Variants in LIMCH1 observed in about 807,000 individuals in gnomAD.
LIMCH1 encodes the protein LIM and calponin homology domains-containing protein 1.
A neutral mutation model predicts 176.5 loss-of-function variants in LIMCH1; 113 were observed. The ratio of observed to expected loss-of-function variants is 0.64; its 90% confidence interval spans 0.55 to 0.75. The LOEUF is 0.75. LIMCH1 is among the 30% of genes least tolerant of loss of function. The pLI, the probability that LIMCH1 is intolerant of heterozygous loss-of-function variation, is 0.00. For synonymous variants in LIMCH1, 619 were observed against 645.9 expected, an observed-to-expected ratio of 0.96 and a Z score of 0.63; for missense variants, 1,674 against 1,814.9, an observed-to-expected ratio of 0.92 and a Z score of 1.41.
At position 41,681,123 on chromosome 4, in the gene LIMCH1, A is replaced by G. The variant is rs969986904; in HGVS notation, c.3717+64A>G. On this transcript the variant is annotated intron_variant, in intron 25 of 31. Transcript: ENST00000503057. ...AACCTAAATGGAAGTACCAAACCCC[A>G]AGACCAAGGTTACCGAACAGACTCA... is the stretch of plus-strand genomic sequence containing the variant. 32 of 962,682 alleles carry G rather than the reference A, an allele frequency of 3.3e-5. No individual in the cohort carries two copies. In the Admixed American group the frequency reaches 5.5e-4, roughly 17 times the overall value. The allele number at this position is 962,682 out of a possible 1,614,324, so 59.6% of individuals were successfully genotyped here.
chr4:41,650,257 T>G, intron 17 of LIMCH1, 136 bp from the exon 18 acceptor site: 1 of 667,706 alleles, frequency 1.5e-6, no homozygotes, highest in Non-Finnish European at 2.6e-6. Context: ...CATCAGAACA[T>G]TTAAGAGACC....
intron 1 of LIMCH1, among the ~76,000 whole-genome samples, chr4:41,412,273 G>GA (rs2059563691): frequency 6.6e-6 from 1 of 152,056 alleles, no homozygotes; most frequent in African/African-American, 2.4e-5. Context: ...AATAGTGTCT[G>GA]AAAAAAGTGT....
chr4:41,397,620 A>T (rs1474510222), intron 1 of LIMCH1, among the ~76,000 whole-genome samples: 1 of 152,142 alleles, frequency 6.6e-6, no homozygotes, highest in Non-Finnish European at 1.5e-5. Flanking sequence ...TGTGTGTTTA[A>T]AGAGCTGAAA....
intron 1 of LIMCH1, among the ~76,000 whole-genome samples, chr4:41,452,375 T>C (rs943469119): frequency 1.3e-5 from 2 of 152,212 alleles, no homozygotes; most frequent in African/African-American, 4.8e-5. Flanking sequence ...TCCCTGCCAA[T>C]GGCCCCTAGA....
At chr4:41,434,473 T>C (rs745956000) in intron 1 of LIMCH1, among the ~76,000 whole-genome samples, 1 of 152,192 alleles carries the variant, frequency 6.6e-6, no homozygotes, top group Non-Finnish European at 1.5e-5. Context: ...ATCACCATAA[T>C]GGAGACACTC....
intron 1 of LIMCH1, among the ~76,000 whole-genome samples, chr4:41,492,661 C>T (rs73142552): frequency 0.054 from 8,236 of 152,096 alleles, 740 homozygotes; most frequent in African/African-American, 0.19. Context: ...TCTTCTATAG[C>T]GTTATTGATT....
At chr4:41,470,265 A>G (rs2066757846) in intron 1 of LIMCH1, among the ~76,000 whole-genome samples, 1 of 152,044 alleles carries the variant, frequency 6.6e-6, no homozygotes, top group South Asian at 2.1e-4. Context: ...TTCTCACCAA[A>G]TTTACTATCT....
intron 2 of LIMCH1, among the ~76,000 whole-genome samples, chr4:41,601,275 C>A (rs1041726585): frequency 3.9e-5 from 6 of 152,160 alleles, no homozygotes; most frequent in African/African-American, 1.2e-4. Flanking sequence ...CAAAGAAGAT[C>A]ATTGCAGGAA....
At chr4:41,673,598 G>A (rs2095122749) in intron 22 of LIMCH1, among the ~76,000 whole-genome samples, 1 of 152,122 alleles carries the variant, frequency 6.6e-6, no homozygotes, top group Non-Finnish European at 1.5e-5. Flanking sequence ...GCTATTTTTG[G>A]TCAGTCTTGG....
intron 6 of LIMCH1, 167 bp downstream of exon 6, chr4:41,619,607 T>C (rs773966390): frequency 1.5e-5 from 13 of 890,354 alleles, no homozygotes; most frequent in African/African-American, 1.4e-4. Context: ...CAGGAGAAAA[T>C]AGAAGCTTCG....
In LIMCH1 at chr4:41,680,939, C is replaced by A; in HGVS notation, c.3613-16C>A. ...TTATTTTCCCCCCTTTCATCGATTC[C>A]TGTCCTTCCCCTTAGGAGCGTAAGA... On this transcript the variant is annotated splice_polypyrimidine_tract_variant and intron_variant, in intron 24 of 31. Coordinates refer to ENST00000503057, the MANE Select transcript of LIMCH1 (RefSeq NM_001330672.2). 7.1e-7 allele frequency: 1 copy of A among 1,413,868 alleles called. No homozygotes were observed. The highest frequency in any genetic ancestry group is 1.2e-5 in the South Asian group (1 of 83,760). 87.6% of individuals were successfully genotyped at this position (1,413,868 alleles called of 1,614,324 possible).
At chr4:41,416,657 CAAAAACA>C (rs1436108917) in intron 1 of LIMCH1, among the ~76,000 whole-genome samples, 3 of 43,676 alleles carry the variant, frequency 6.9e-5, no homozygotes, top group Admixed American at 3.3e-4. Flanking sequence ...GATTCCATCT[CAAAAACA>C]AAAAAAAAAA....
At chr4:41,432,754 A>G (rs533045548) in intron 1 of LIMCH1, among the ~76,000 whole-genome samples, 125 of 152,304 alleles carry the variant, frequency 8.2e-4, no homozygotes, top group Admixed American at 3.5e-3. Flanking sequence ...TTCAATGGCA[A>G]CGATCCTTCC....
rs1361658459 is a variant in LIMCH1, at chr4:41,629,597, C to G, written c.1134C>G (p.His378Gln). 3.9e-6 allele frequency: 6 copies of G among 1,535,998 alleles called. No homozygotes were observed. Among genetic ancestry groups the G allele is most frequent in the Non-Finnish European group, 5.2e-6 (6 of 1,146,910 alleles). The stretch of plus-strand genomic sequence containing the variant: ...GACTCAGGAAGGTGCCAGATCTTCA[C>G]AAGGATGACCTGGCCCAGCAGAGAA... The part of the protein sequence containing the change: ...EGGLRKVPDL[H>Q]KDDLAQQRIQ... The change falls in exon 9 of 32, where the codon CAC (histidine) becomes CAG (glutamine). Residue 378 changes from histidine to glutamine, a missense_variant. Coordinates refer to ENST00000503057, the MANE Select transcript of LIMCH1 (RefSeq NM_001330672.2).
intron 2 of LIMCH1, among the ~76,000 whole-genome samples, chr4:41,513,193 A>G (rs2075143625): frequency 6.6e-6 from 1 of 152,248 alleles, no homozygotes; most frequent in Admixed American, 6.5e-5. Flanking sequence ...ACATCAGACA[A>G]AGAAAGGCCA....
At chr4:41,444,269 G>A (rs964473556) in intron 1 of LIMCH1, among the ~76,000 whole-genome samples, 1 of 150,526 alleles carries the variant, frequency 6.6e-6, no homozygotes, top group South Asian at 2.1e-4. Context: ...ACATATGACT[G>A]AAATATATGT....
intron 3 of LIMCH1, among the ~76,000 whole-genome samples, chr4:41,532,273 G>A (rs926629048): frequency 6.6e-6 from 1 of 152,180 alleles, no homozygotes; most frequent in Non-Finnish European, 1.5e-5. Context: ...CTCCCAGGTT[G>A]ATATGGCTTG....
chr4:41,381,406 A>G (rs949157373), intron 1 of LIMCH1, among the ~76,000 whole-genome samples: 15 of 152,302 alleles, frequency 9.8e-5, no homozygotes, highest in African/African-American at 3.6e-4. Flanking sequence ...AACAAGAGGG[A>G]GCAGAGAGAA....
chr4:41,604,296 A>G, intron 3 of LIMCH1: 1 of 755,808 alleles, frequency 1.3e-6, no homozygotes, highest in Non-Finnish European at 1.6e-6. Flanking sequence ...CAATATGAAT[A>G]GTGTTGACTG....
Sources: gnomAD v4.1 joint callset for allele counts (sites outside exome capture counted in the v4.1 genomes callset) on GRCh38, gnomAD v4.1.1 for gene constraint, MANE v1.5 for transcripts, NCBI Gene and HGNC (gene_info 2026-07-23, HGNC 2026-07-21) for gene names.